TMEM117: variants seen among roughly 807,000 people sequenced by gnomAD.
TMEM117 encodes transmembrane protein 117.
TMEM117 carries 27 observed loss-of-function variants against 52.4 expected under a neutral mutation model. The observed-to-expected ratio is 0.51, with a 90% CI of 0.38 to 0.71. The LOEUF (loss-of-function observed/expected upper bound fraction) is 0.71, where lower values mean the gene tolerates loss of function less well. Ranked by LOEUF, TMEM117 falls within the 30% of genes least tolerant of loss-of-function variation. The pLI is 0.00. For synonymous variants in TMEM117, 215 were observed against 206.3 expected (o/e 1.04, Z -0.36); for missense variants, 556 against 630.5 (o/e 0.88, Z 1.26).
chr12:44,226,501 A>ATGTGTGTGTGTGTGTG (rs56709250), intron 5 of TMEM117, among the ~76,000 whole-genome samples: 103 of 149,270 alleles, frequency 6.9e-4, no homozygotes, highest in Middle Eastern at 3.5e-3. Flanking sequence ...AAATATATAT[A>ATGTGTGTGTGTGTGTG]TGTGTGTGTG....
At chr12:44,003,716 C>T (rs1289142180) in intron 3 of TMEM117, among the ~76,000 whole-genome samples, 9 of 152,320 alleles carry the variant, frequency 5.9e-5, no homozygotes, top group Admixed American at 5.9e-4. Flanking sequence ...GTTTATGTCT[C>T]TTAGCCATGT....
At chr12:44,338,153 G>T (rs1951367218) in intron 6 of TMEM117, among the ~76,000 whole-genome samples, 1 of 152,050 alleles carries the variant, frequency 6.6e-6, no homozygotes, top group Non-Finnish European at 1.5e-5. Flanking sequence ...TGAATTATTT[G>T]AGAAGTTTAA....
chr12:44,137,710 G>T (rs1468305235), intron 3 of TMEM117, among the ~76,000 whole-genome samples: 5 of 152,076 alleles, frequency 3.3e-5, no homozygotes, highest in African/African-American at 1.2e-4. Flanking sequence ...AAAACCATCA[G>T]ATCTCATGAG....
At chr12:43,911,848 C>G (rs898077483) in intron 2 of TMEM117, among the ~76,000 whole-genome samples, 18 of 151,322 alleles carry the variant, frequency 1.2e-4, no homozygotes, top group African/African-American at 4.4e-4. Context: ...CAGGAAAGAA[C>G]AGGTGCTGGA....
intron 5 of TMEM117, among the ~76,000 whole-genome samples, chr12:44,236,733 A>G (rs968249936): frequency 3.9e-5 from 6 of 152,100 alleles, no homozygotes; most frequent in African/African-American, 1.4e-4. Flanking sequence ...ATAAGAGGAT[A>G]GCTTCTTTTT....
the TMEM117 span, among the ~76,000 whole-genome samples, chr12:43,801,271 T>C: frequency 8.0e-4 from 122 of 151,650 alleles, no homozygotes; most frequent in East Asian, 0.019. Flanking sequence ...GACACAAAGA[T>C]GGAAAAAAAA....
intron 4 of TMEM117, among the ~76,000 whole-genome samples, chr12:44,190,679 A>C (rs1565572653): frequency 6.6e-6 from 1 of 152,100 alleles, no homozygotes; most frequent in African/African-American, 2.4e-5. Flanking sequence ...ATAAGGCTTC[A>C]TGAAACCTGC....
chr12:43,820,671 A>G, the TMEM117 span, among the ~76,000 whole-genome samples: 3 of 151,020 alleles, frequency 2.0e-5, no homozygotes, highest in East Asian at 5.8e-4. Flanking sequence ...AATTTTATGC[A>G]TTTTGCCCAC....
In TMEM117 at chr12:44,166,995, T is replaced by G. The variant is rs145341761; in HGVS notation, c.510+23371T>G. On this transcript the variant is annotated intron_variant, in intron 4 of 7. Transcript: ENST00000266534. Reference sequence around the variant, plus strand: ...AACAAACTAATTTTGCAATAATTTGTCAAATGTGCTCTTTCTTAAAGGATT... The same window carrying G: ...AACAAACTAATTTTGCAATAATTTGGCAAATGTGCTCTTTCTTAAAGGATT... 8.5e-3 allele frequency among the ~76,000 whole-genome samples: 1,299 copies of G among 152,344 alleles called. 13 individuals carry two copies. Among genetic ancestry groups the G allele is most frequent in the African/African-American group, 0.03 (1,235 of 41,576 alleles).
At chr12:43,948,842 C>T (rs576598866) in intron 3 of TMEM117, among the ~76,000 whole-genome samples, 31 of 152,186 alleles carry the variant, frequency 2.0e-4, no homozygotes, top group African/African-American at 7.5e-4. Flanking sequence ...GGAAAAATCC[C>T]AGAGGACAAA....
chr12:43,803,999 A>G, the TMEM117 span, among the ~76,000 whole-genome samples: 3 of 152,168 alleles, frequency 2.0e-5, no homozygotes, highest in Non-Finnish European at 4.4e-5. Flanking sequence ...TAAAGAATCA[A>G]TTTGTAGTTT....
At chr12:43,963,666 G>A (rs1015834250) in intron 3 of TMEM117, among the ~76,000 whole-genome samples, 4 of 152,198 alleles carry the variant, frequency 2.6e-5, no homozygotes, top group African/African-American at 9.6e-5. Context: ...AGTGATGATG[G>A]CTTACAAAGG....
At chr12:44,187,305 T>C (rs1949291842) in intron 4 of TMEM117, among the ~76,000 whole-genome samples, 1 of 152,144 alleles carries the variant, frequency 6.6e-6, no homozygotes, top group Non-Finnish European at 1.5e-5. Flanking sequence ...TATATGCTTA[T>C]CAAAACAAAA....
chr12:44,226,925 A>G (rs117180073), intron 5 of TMEM117, among the ~76,000 whole-genome samples: 3 of 152,150 alleles, frequency 2.0e-5, no homozygotes, highest in African/African-American at 4.8e-5. Context: ...GCTCATATAC[A>G]TGTGTAATAT....
intron 5 of TMEM117, among the ~76,000 whole-genome samples, chr12:44,272,565 G>A (rs1467273040): frequency 6.6e-6 from 1 of 152,124 alleles, no homozygotes; most frequent in Non-Finnish European, 1.5e-5. Flanking sequence ...CGAAGGATAT[G>A]AACAAGACAC....
At chr12:44,215,698 GGAT>G (rs559210727) in intron 5 of TMEM117, among the ~76,000 whole-genome samples, 156 of 151,206 alleles carry the variant, frequency 1.0e-3, no homozygotes, top group Non-Finnish European at 1.9e-3. Context: ...AAGAATTTTA[GGAT>G]GATATTTCCC....
chr12:44,316,284 G>A (rs1211045984), intron 6 of TMEM117, among the ~76,000 whole-genome samples: 2 of 151,908 alleles, frequency 1.3e-5, no homozygotes, highest in East Asian at 3.9e-4. Context: ...TTCTCTTAGC[G>A]TTTTTTTATT....
chr12:44,282,387 G>A (rs1477581447), intron 5 of TMEM117, among the ~76,000 whole-genome samples: 1 of 152,126 alleles, frequency 6.6e-6, no homozygotes, highest in African/African-American at 2.4e-5. Flanking sequence ...GGGAAAGTTT[G>A]GAACTTCTTA....
chr12:44,222,516 T>C (rs1185035875), intron 5 of TMEM117, among the ~76,000 whole-genome samples: 1 of 152,222 alleles, frequency 6.6e-6, no homozygotes, highest in African/African-American at 2.4e-5. Context: ...AGTGCCTTCA[T>C]GTGAATCTTG....
Sources: gnomAD v4.1 joint callset for allele counts (sites outside exome capture counted in the v4.1 genomes callset) on GRCh38, gnomAD v4.1.1 for gene constraint, MANE v1.5 for transcripts, NCBI Gene and HGNC (gene_info 2026-07-23, HGNC 2026-07-21) for gene names.